TCTA: variants seen among roughly 807,000 people sequenced by gnomAD.
TCTA encodes the protein T cell leukemia translocation altered.
Under a neutral mutation model 13.5 loss-of-function variants are expected in TCTA, and 13 were observed. The ratio of observed to expected loss-of-function variants is 0.96; its 90% confidence interval spans 0.63 to 1.53. The LOEUF (loss-of-function observed/expected upper bound fraction) is 1.53. Among genes scored for constraint, TCTA ranks in the 40% most tolerant of loss-of-function variants. The probability of loss-of-function intolerance (pLI) is 0.00; values close to 1 mark genes in which losing one functional copy is unlikely to be tolerated. For missense variants in TCTA, 138 were observed against 131.3 expected (o/e 1.05, Z -0.25); for synonymous variants, 58 against 59.0 (o/e 0.98, Z 0.08).
intron 2 of TCTA, among the ~76,000 whole-genome samples, chr3:49,414,205 C>T (rs1027742309): frequency 2.6e-5 from 4 of 151,886 alleles, no homozygotes; most frequent in Non-Finnish European, 4.4e-5. Context: ...CACGCCACTG[C>T]ACTCCAGACT....
chr3:49,414,724 G>C, intron 2 of TCTA, 96 bp from the exon 3 acceptor site: 1 of 1,488,014 alleles, frequency 6.7e-7, no homozygotes, highest in South Asian at 1.2e-5. Flanking sequence ...ACTGAGCCTA[G>C]CTCAGCCCCC....
In TCTA at chr3:49,415,497, C is replaced by G. The variant is rs1276231805; in HGVS notation, c.*635C>G. On this transcript the variant is annotated 3_prime_UTR_variant, in exon 3 of 3. Transcript: ENST00000273590. The stretch of plus-strand genomic sequence containing the variant: ...CGCCGTTGTACTCCAGCCTGGGCAA[C>G]AGAGCAAGACCCATCTCAAAAAAAA... 1 of 152,396 alleles carries G rather than the reference C, an allele frequency of 6.6e-6. No individual in the cohort carries two copies. Among genetic ancestry groups the G allele is most frequent in the African/African-American group, 2.4e-5 (1 of 41,414 alleles). The allele number at this position is 152,396 out of a possible 1,614,324, so 9.4% of individuals were successfully genotyped here.
intron 1 of TCTA, 129 bp downstream of exon 1, chr3:49,412,769 C>T: frequency 8.6e-7 from 1 of 1,156,894 alleles, no homozygotes; most frequent in East Asian, 2.5e-5. Context: ...GGCCTTACTA[C>T]CCTGAACGCA....
chr3:49,412,820 C>G, intron 1 of TCTA, 180 bp downstream of exon 1: 1 of 807,674 alleles, frequency 1.2e-6, no homozygotes, highest in Non-Finnish European at 1.9e-6. Flanking sequence ...GATGGGAGAA[C>G]TTAACGTTGT....
rs1401049824 is a variant in TCTA, at chr3:49,415,302, G to A, written c.*440G>A. 1 of 158,928 alleles carries A rather than the reference G, an allele frequency of 6.3e-6. No individual in the cohort carries two copies. The highest frequency in any genetic ancestry group is 6.4e-5 in the Admixed American group (1 of 15,692). 9.8% of individuals were successfully genotyped at this position (158,928 alleles called of 1,614,324 possible). A position where few individuals can be genotyped will look rare whatever the true frequency, so the allele number is the denominator to read the frequency against. The stretch of plus-strand genomic sequence containing the variant: ...GAGGCTGAGGCAGGCAGATCACGAG[G>A]TCAGGAGTTCGAGACCAGCCTGACC... On this transcript the variant is annotated 3_prime_UTR_variant, in exon 3 of 3. Coordinates refer to ENST00000273590, the MANE Select transcript of TCTA (RefSeq NM_022171.3).
chr3:49,413,871 C>G (rs1559525986), intron 2 of TCTA, among the ~76,000 whole-genome samples: 1 of 152,198 alleles, frequency 6.6e-6, no homozygotes, highest in Non-Finnish European at 1.5e-5. Flanking sequence ...TAAATGCCTA[C>G]TTCATGGCAA....
Position 49,414,805 on chromosome 3 carries a change from C to T in TCTA, c.270-15C>T, listed in dbSNP as rs1366924630. ...GGAATAACCACTCTCTCTTCTCTCTCTCCATCACTTTCAGGGAAATGGCAG... is the reference window on the plus strand; with the variant it reads ...GGAATAACCACTCTCTCTTCTCTCTTTCCATCACTTTCAGGGAAATGGCAG... On this transcript the variant is annotated splice_polypyrimidine_tract_variant and intron_variant, in intron 2 of 2. Coordinates refer to ENST00000273590, the MANE Select transcript of TCTA (RefSeq NM_022171.3). 1 of 1,613,868 alleles carries T rather than the reference C, an allele frequency of 6.2e-7. No individual in the cohort carries two copies. The highest frequency in any genetic ancestry group is 8.5e-7 in the Non-Finnish European group (1 of 1,179,802).
At chr3:49,412,671 G>A (rs1374556155) in intron 1 of TCTA, 31 bp downstream of exon 1, 2 of 1,604,646 alleles carry the variant, frequency 1.2e-6, no homozygotes, top group African/African-American at 2.7e-5. Context: ...CCGTGGGCTG[G>A]CCGCCCCCGC....
rs546338707 is a variant in TCTA, at chr3:49,414,116, C to T, written c.270-704C>T. Among the ~76,000 whole-genome samples, 3 of 152,126 alleles carry T rather than the reference C, an allele frequency of 2.0e-5. No homozygotes were observed. In the East Asian group the frequency reaches 5.8e-4, roughly 29 times the overall value. ...ATTAGCTGGGCATGGTGGCATACGC[C>T]TGTAATCCCAGCTACTCGGGAGGCT... On this transcript the variant is annotated intron_variant, in intron 2 of 2. Transcript: ENST00000273590.
At position 49,412,600 on chromosome 3, in the gene TCTA, G is replaced by C; in HGVS notation, c.174G>C (p.Gly58=). Residue 58 remains glycine, a synonymous_variant, in exon 1 of 3, where the codon GGG becomes GGC. Coordinates refer to ENST00000273590, the MANE Select transcript of TCTA (RefSeq NM_022171.3). ...TCCTGGGCATCCAGCTGGCGTGGGGGTTCTACGGGAATACAGTGACCGGGT... is the reference window on the plus strand; with the variant it reads ...TCCTGGGCATCCAGCTGGCGTGGGGCTTCTACGGGAATACAGTGACCGGGT... The part of the protein sequence containing the change: ...LSLLGIQLAW[G]FYGNTVTGLY... 6.2e-7 allele frequency: 1 copy of C among 1,614,254 alleles called. No individual in the cohort carries two copies. The highest frequency in any genetic ancestry group is 2.2e-5 in the East Asian group (1 of 44,880).
intron 1 of TCTA, 195 bp from the exon 2 acceptor site, chr3:49,412,861 G>A (rs2048965813): frequency 4.1e-6 from 3 of 728,774 alleles, no homozygotes; most frequent in Non-Finnish European, 4.5e-6. Flanking sequence ...ACCATTTTAC[G>A]CCAGAATCCC....
At chr3:49,414,503 C>T (rs2048984898) in intron 2 of TCTA, among the ~76,000 whole-genome samples, 1 of 152,126 alleles carries the variant, frequency 6.6e-6, no homozygotes, top group Non-Finnish European at 1.5e-5. Context: ...CATTGCACCC[C>T]AACCTGGGCA....
rs1382957287 is a variant in TCTA, at chr3:49,415,922, T to A, written c.*1060T>A. 1.3e-5 allele frequency: 2 copies of A among 152,248 alleles called. No individual in the cohort carries two copies. The highest frequency in any genetic ancestry group is 2.9e-5 in the Non-Finnish European group (2 of 68,086). 9.4% of individuals were successfully genotyped at this position (152,248 alleles called of 1,614,324 possible). A position where few individuals can be genotyped will look rare whatever the true frequency, so the allele number is the denominator to read the frequency against. On this transcript the variant is annotated 3_prime_UTR_variant, in exon 3 of 3. Transcript: ENST00000273590. ...TCCTATCCACCACTGCTTAAGTGCC[T>A]ATGGGAATGTGGGTCTGCACCTTGT...
chr3:49,414,715 C>T (rs1027084665), intron 2 of TCTA, 105 bp from the exon 3 acceptor site: 9 of 1,407,910 alleles, frequency 6.4e-6, no homozygotes, highest in Non-Finnish European at 7.9e-6. Context: ...TGTGACCTTA[C>T]TGAGCCTAGC....
At chr3:49,412,693 C>T in intron 1 of TCTA, 53 bp downstream of exon 1, 1 of 1,585,428 alleles carries the variant, frequency 6.3e-7, no homozygotes. Context: ...CCCACCCTCT[C>T]CCGACTGTAC....
chr3:49,413,439 C>A, intron 2 of TCTA: 1 of 283,858 alleles, frequency 3.5e-6, no homozygotes, highest in Non-Finnish European at 6.8e-6. Context: ...ACATTGACCT[C>A]ATCAGGGTCA....
At position 49,412,493 on chromosome 3, in the gene TCTA, AGCGAGTTCTT is replaced by A; in HGVS notation, c.71_80del (p.Glu24GlyfsTer10). 6.2e-7 allele frequency: 1 copy of A among 1,614,100 alleles called. No individual in the cohort carries two copies. The highest frequency in any genetic ancestry group is 8.5e-7 in the Non-Finnish European group (1 of 1,180,002). On this transcript the variant is annotated frameshift_variant, in exon 1 of 3. Transcript: ENST00000273590. LOFTEE classifies it high-confidence loss of function. ...GGCCACGGTGCTGGGCGCGCTGGGCAGCGAGTTCTTGCGGGAGTGGGAGGCGCAGGACATG... is the reference window on the plus strand; with the variant it reads ...GGCCACGGTGCTGGGCGCGCTGGGCAGCGGGAGTGGGAGGCGCAGGACATG...
chr3:49,413,307 TCAG>T (rs1382980693), intron 2 of TCTA, 197 bp downstream of exon 2: 2 of 599,912 alleles, frequency 3.3e-6, no homozygotes, highest in African/African-American at 3.7e-5. Flanking sequence ...ATCATGCTGT[TCAG>T]CAGCCTGTAG....
intron 1 of TCTA, 41 bp from the exon 2 acceptor site, chr3:49,413,015 A>G (rs1475489951): frequency 1.2e-6 from 2 of 1,609,972 alleles, no homozygotes; most frequent in South Asian, 2.2e-5. Context: ...TCAGATTCCC[A>G]CCCCAGCCTT....
Sources: allele counts gnomAD v4.1 joint callset (sites outside exome capture counted in the v4.1 genomes callset), GRCh38; gene constraint gnomAD v4.1.1; transcripts MANE v1.5; gene names NCBI Gene and HGNC (gene_info 2026-07-23, HGNC 2026-07-21).